PFKP: variants seen among roughly 807,000 people sequenced by gnomAD.
PFKP encodes phosphofructokinase, platelet, also known as ATP-dependent 6-phosphofructokinase, platelet type.
In PFKP, 101 loss-of-function variants were observed where a neutral mutation model predicts 94.3. The ratio of observed to expected loss-of-function variants is 1.07; its 90% CI spans 0.91 to 1.26. The LOEUF (loss-of-function observed/expected upper bound fraction) is 1.26. Among genes scored for constraint, PFKP ranks in the 50% most tolerant of loss-of-function variants. The pLI, the probability that PFKP is intolerant of heterozygous loss-of-function variation, is 0.00. For missense variants in PFKP, 1,145 were observed against 1,103.3 expected, an observed-to-expected ratio of 1.04 and a Z score of -0.53; for synonymous variants, 573 against 432.6, an observed-to-expected ratio of 1.32 and a Z score of -4.03.
chr10:3,118,376 G>A (rs1025040372), intron 14 of PFKP, among the ~76,000 whole-genome samples: 3 of 152,112 alleles, frequency 2.0e-5, no homozygotes, highest in Non-Finnish European at 1.5e-5. Flanking sequence ...GCTGAGGCAC[G>A]AGAATCACTT....
chr10:3,101,133 G>A, intron 3 of PFKP: 1 of 812,106 alleles, frequency 1.2e-6, no homozygotes. Context: ...GTCTGGCTCT[G>A]CACCCTCCCT....
At position 3,135,790 on chromosome 10, in the gene PFKP, A is replaced by C; in HGVS notation, c.2177A>C (p.Asn726Thr). The change falls in exon 21 of 22, where the codon AAC (asparagine) becomes ACC (threonine). Residue 726 changes from asparagine to threonine, a missense_variant. Transcript: ENST00000381125. ...SICVLGISKR[N>T]VIFQPVAELK... ...TGTGTGCTGGGAATAAGCAAAAGAA[A>C]CGTTATTTTTCAACCTGTGGCAGAG... 1 of 1,613,836 alleles carries C rather than the reference A, an allele frequency of 6.2e-7. No individual in the cohort carries two copies. The highest frequency in any genetic ancestry group is 8.5e-7 in the Non-Finnish European group (1 of 1,179,806).
chr10:3,104,616 G>A (rs1360844428), intron 5 of PFKP: 2 of 209,616 alleles, frequency 9.5e-6, no homozygotes, highest in Non-Finnish European at 1.9e-5. Flanking sequence ...CACAGTTGGT[G>A]GAAAATCACC....
At chr10:3,110,589 T>C (rs1411748371) in intron 10 of PFKP, among the ~76,000 whole-genome samples, 1 of 152,148 alleles carries the variant, frequency 6.6e-6, no homozygotes, top group Non-Finnish European at 1.5e-5. Context: ...CACAAAGAAG[T>C]CGTGAAGCAA....
rs552340552 is a variant in PFKP, at chr10:3,119,421, C to A, written c.1531-471C>A. Among the ~76,000 whole-genome samples the A allele has an allele frequency of 1.9e-3, 291 of 149,700 alleles. 1 individual carries two copies. Among genetic ancestry groups the A allele is most frequent in the Non-Finnish European group, 2.9e-3 (198 of 67,400 alleles). On this transcript the variant is annotated intron_variant, in intron 15 of 21. Transcript: ENST00000381125. ...AGGAGTTCAAGACCAGCCTGACCAACATGGTGAAACCCCGTCTCTACTAAA... is the reference window on the plus strand; with the variant it reads ...AGGAGTTCAAGACCAGCCTGACCAAAATGGTGAAACCCCGTCTCTACTAAA...
intron 15 of PFKP, among the ~76,000 whole-genome samples, chr10:3,119,464 G>A (rs1465758793): frequency 6.6e-6 from 1 of 152,152 alleles, no homozygotes; most frequent in Non-Finnish European, 1.5e-5. Flanking sequence ...AATTAGCCGG[G>A]TGTGGTGGCA....
rs1554765786 is a variant in PFKP at position 3,097,078 on chromosome 10, A to AAAAAAAAAC, written c.187-2191_187-2190insAACAAAAAA. Among the ~76,000 whole-genome samples, 11 of 6,634 alleles carry AAAAAAAAAC rather than the reference A, an allele frequency of 1.7e-3. 3 individuals are homozygous for AAAAAAAAAC. The highest frequency in any genetic ancestry group is 5.1e-3 in the African/African-American group (9 of 1,782). The allele number at this position is 6,634 out of a possible 152,430, so 4.4% of individuals were successfully genotyped here. On this transcript the variant is annotated intron_variant, in intron 2 of 21. Transcript: ENST00000381125. ...GGGTGACACAGCGAGACTCCGTCTC[A>AAAAAAAAAC]AAAAAACAAAAAACAAAAAAACCTG...
intron 3 of PFKP, chr10:3,100,862 C>CAAAATAAAAAAAAAAAAAA (rs754923021): frequency 1.1e-5 from 7 of 657,270 alleles, no homozygotes; most frequent in Non-Finnish European, 1.2e-5. Context: ...GTATGTGGTG[C>CAAAATAAAAAAAAAAAAAA]AAAAAAAAAA....
At position 3,067,657 on chromosome 10, in the gene PFKP, C is replaced by T; in HGVS notation, c.62C>T (p.Ser21Phe). Residue 21 changes from serine (S) to phenylalanine (F), a missense_variant, in exon 1 of 22, where the codon TCC (serine) becomes TTC (phenylalanine). Physicochemically the swap from Ser to Phe is radical, Grantham distance 155. Around this residue, in one of 3 missense-constraint regions of PFKP, gnomAD observed 1,119 missense variants for 1,062.8 expected, o/e 1.05. Coordinates refer to ENST00000381125, the MANE Select transcript of PFKP (RefSeq NM_002627.5). ...GSLRKFLEHLSGAGKAIGVLT... is the reference protein window; with the variant it reads ...GSLRKFLEHLFGAGKAIGVLT... ...TTGCGGAAGTTCCTGGAGCACCTCT[C>T]CGGGGCCGGCAAGGCCATCGGCGTG... 1 of 1,534,722 alleles carries T rather than the reference C, an allele frequency of 6.5e-7. No individual in the cohort carries two copies. Among genetic ancestry groups the T allele is most frequent in the Non-Finnish European group, 8.8e-7 (1 of 1,140,326 alleles).
At chr10:3,110,446 G>A (rs1423319418) in intron 10 of PFKP, among the ~76,000 whole-genome samples, 1 of 139,222 alleles carries the variant, frequency 7.2e-6, no homozygotes, top group South Asian at 2.2e-4. Context: ...TGGATCTCCT[G>A]ACCTTGTGAT....
At chr10:3,080,029 C>T (rs1396556467) in intron 1 of PFKP, among the ~76,000 whole-genome samples, 1 of 151,866 alleles carries the variant, frequency 6.6e-6, no homozygotes, top group East Asian at 1.9e-4. Context: ...GTGCCAGAGC[C>T]GAGGAGGAGT....
chr10:3,077,565 C>T (rs1832721159), intron 1 of PFKP, among the ~76,000 whole-genome samples: 1 of 149,824 alleles, frequency 6.7e-6, no homozygotes, highest in Non-Finnish European at 1.5e-5. Flanking sequence ...CGTGCCTGGC[C>T]TATTCCTTAC....
intron 16 of PFKP, among the ~76,000 whole-genome samples, chr10:3,128,460 G>A (rs1023000429): frequency 2.6e-5 from 4 of 151,962 alleles, no homozygotes; most frequent in Non-Finnish European, 5.9e-5. Flanking sequence ...TGTGTCCCGT[G>A]GCCGCTGTGA....
intron 1 of PFKP, among the ~76,000 whole-genome samples, chr10:3,081,663 C>T (rs568184348): frequency 6.6e-6 from 1 of 152,314 alleles, no homozygotes; most frequent in South Asian, 2.1e-4. Flanking sequence ...GGCTTCAGCT[C>T]CCCCAAATCC....
chr10:3,095,207 C>G (rs1275309686), intron 2 of PFKP, among the ~76,000 whole-genome samples: 1 of 89,130 alleles, frequency 1.1e-5, no homozygotes, highest in East Asian at 2.3e-4. Flanking sequence ...AAAAAAAAAA[C>G]TTACATATGA....
intron 2 of PFKP, among the ~76,000 whole-genome samples, chr10:3,091,935 A>G (rs1834071268): frequency 6.6e-6 from 1 of 152,198 alleles, no homozygotes; most frequent in East Asian, 1.9e-4. Flanking sequence ...TGATCATTTT[A>G]TCGCTAGTTT....
chr10:3,134,762 G>A (rs764644520), intron 20 of PFKP, among the ~76,000 whole-genome samples, 180 bp downstream of exon 20: 1 of 152,212 alleles, frequency 6.6e-6, no homozygotes. Context: ...TTGGATTCCT[G>A]GGATAAGATC....
intron 16 of PFKP, among the ~76,000 whole-genome samples, chr10:3,127,575 C>T (rs1838097874): frequency 6.6e-6 from 1 of 152,190 alleles, no homozygotes; most frequent in Non-Finnish European, 1.5e-5. Flanking sequence ...TAAAGCCTTA[C>T]AGCGTCTTAA....
At chr10:3,105,879 G>T (rs1246474704) in intron 7 of PFKP, among the ~76,000 whole-genome samples, 2 of 152,196 alleles carry the variant, frequency 1.3e-5, no homozygotes, top group African/African-American at 4.8e-5. Context: ...CATTGAGGAT[G>T]AGTTAATCCA....
Sources: allele counts gnomAD v4.1 joint callset (sites outside exome capture counted in the v4.1 genomes callset), GRCh38; gene constraint gnomAD v4.1.1; regional missense constraint gnomAD v4.1.1; transcripts MANE v1.5; gene names NCBI Gene and HGNC (gene_info 2026-07-23, HGNC 2026-07-21).